The following POLN variants were observed in gnomAD, a reference collection of about 807,000 sequenced individuals.
The protein encoded by POLN is DNA polymerase nu.
A neutral mutation model predicts 113.5 loss-of-function variants in POLN; 108 were observed. That is an observed-to-expected ratio of 0.95 (90% CI 0.81 to 1.12). POLN has a LOEUF of 1.12. Among genes scored for constraint, POLN ranks in the 50% most tolerant of loss-of-function variants. POLN has a pLI of 0.00. For synonymous variants in POLN, 386 were observed against 391.5 expected (o/e 0.99, Z 0.17); for missense variants, 1,097 against 1,077.1 (o/e 1.02, Z -0.26).
intron 7 of POLN, among the ~76,000 whole-genome samples, chr4:2,189,834 T>C (rs961789526): frequency 2.0e-5 from 3 of 151,148 alleles, no homozygotes; most frequent in East Asian, 3.9e-4. Context: ...ATCAAGACCA[T>C]CCTGGCCAAC....
intron 2 of POLN, among the ~76,000 whole-genome samples, chr4:2,233,131 A>G (rs541685923): frequency 4.4e-4 from 67 of 152,330 alleles, no homozygotes; most frequent in Middle Eastern, 3.4e-3. Context: ...CTTAAAATAC[A>G]TACTTTTGAA....
At chr4:2,208,766 G>C (rs576669877) in intron 4 of POLN, among the ~76,000 whole-genome samples, 27 of 152,268 alleles carry the variant, frequency 1.8e-4, no homozygotes, top group South Asian at 1.7e-3. Flanking sequence ...GAGGTGGGTG[G>C]ATCACTTGAG....
chr4:2,230,224 G>C (rs1313756266), intron 2 of POLN: 3 of 152,360 alleles, frequency 2.0e-5, no homozygotes, highest in Non-Finnish European at 4.4e-5. Flanking sequence ...GAACCTGGGA[G>C]GCGGAGGTTG....
chr4:2,100,808 G>A (rs1335973137), intron 19 of POLN, among the ~76,000 whole-genome samples: 2 of 152,200 alleles, frequency 1.3e-5, no homozygotes, highest in African/African-American at 4.8e-5. Flanking sequence ...ACATGATTTG[G>A]CATTTTAAAT....
At chr4:2,238,595 C>A in intron 2 of POLN, 1 of 1,507,540 alleles carries the variant, frequency 6.6e-7, no homozygotes, top group South Asian at 1.3e-5. Flanking sequence ...AACAATGAAG[C>A]ATACGTACCT....
intron 16 of POLN, chr4:2,140,125 C>T (rs1355835977): frequency 1.3e-5 from 2 of 152,172 alleles, no homozygotes; most frequent in African/African-American, 2.4e-5. Flanking sequence ...GTCGCCCAGA[C>T]TACAGTGCAG....
At chr4:2,237,839 T>C (rs1250297650) in intron 2 of POLN, among the ~76,000 whole-genome samples, 1 of 152,204 alleles carries the variant, frequency 6.6e-6, no homozygotes, top group Non-Finnish European at 1.5e-5. Flanking sequence ...ATAGTTATTT[T>C]ATCAAGTTGT....
Position 2,072,264 on chromosome 4 carries a change from T to C in POLN, c.2553A>G (p.Ser851=). The change falls in exon 26 of 26, where the codon TCA becomes TCG. Residue 851 remains serine (S), a synonymous_variant. Coordinates refer to ENST00000511885, the MANE Select transcript of POLN (RefSeq NM_181808.4). Reference sequence around the variant, plus strand: ...CCTGCAGTGGCACCAGGTGTCCCCATGAGCGGCCGGCACTCAGGCTCACCT... The same window carrying C: ...CCTGCAGTGGCACCAGGTGTCCCCACGAGCGGCCGGCACTCAGGCTCACCT... ...PLKVSLSAGR[S]WGHLVPLQEA... The C allele has an allele frequency of 6.3e-7, 1 of 1,593,756 alleles. No individual in the cohort carries two copies. Among genetic ancestry groups the C allele is most frequent in the Admixed American group, 1.8e-5 (1 of 55,738 alleles).
intron 20 of POLN, among the ~76,000 whole-genome samples, chr4:2,091,581 T>A (rs1730663518): frequency 6.6e-6 from 1 of 152,178 alleles, no homozygotes; most frequent in African/African-American, 2.4e-5. Flanking sequence ...GCTGGACTGC[T>A]CCTTCTTTTC....
chr4:2,197,115 G>C (rs1241496359), intron 6 of POLN, among the ~76,000 whole-genome samples: 1 of 152,240 alleles, frequency 6.6e-6, no homozygotes, highest in Non-Finnish European at 1.5e-5. Flanking sequence ...AAGAAGCAGT[G>C]ATGTGGGGTT....
At chr4:2,189,537 G>C (rs28870217) in intron 7 of POLN, among the ~76,000 whole-genome samples, 36,749 of 150,772 alleles carry the variant, frequency 0.24, 6,925 homozygotes, top group African/African-American at 0.51. Flanking sequence ...TACTTGGGAG[G>C]CTGAGGCAGG....
chr4:2,137,058 C>A (rs1170279453), intron 16 of POLN, among the ~76,000 whole-genome samples: 1 of 152,244 alleles, frequency 6.6e-6, no homozygotes, highest in Non-Finnish European at 1.5e-5. Flanking sequence ...CGGGGCAGGG[C>A]CCACGGCGTT....
At chr4:2,187,778 CAGA>C (rs1733315929) in intron 7 of POLN, among the ~76,000 whole-genome samples, 1 of 152,064 alleles carries the variant, frequency 6.6e-6, no homozygotes, top group Non-Finnish European at 1.5e-5. Flanking sequence ...GGTTTCTCAA[CAGA>C]AGGAGGGAGT....
intron 13 of POLN, among the ~76,000 whole-genome samples, chr4:2,161,120 G>A (rs1347625306): frequency 1.3e-5 from 2 of 152,216 alleles, no homozygotes; most frequent in Non-Finnish European, 2.9e-5. Flanking sequence ...ACTCCTCACA[G>A]CCCTCCCTCG....
chr4:2,241,100 G>C (rs1166561282), intron 2 of POLN: 1 of 595,200 alleles, frequency 1.7e-6, no homozygotes, highest in African/African-American at 1.9e-5. Flanking sequence ...CCTCCTAGGG[G>C]GGAAGAAAAC....
chr4:2,205,239 A>C (rs1733814800), intron 5 of POLN, among the ~76,000 whole-genome samples: 1 of 152,256 alleles, frequency 6.6e-6, no homozygotes, highest in South Asian at 2.1e-4. Flanking sequence ...AATTCAGCCA[A>C]GTTTCTGGAT....
chr4:2,081,514 G>A, intron 22 of POLN, 119 bp downstream of exon 22: 3 of 943,342 alleles, frequency 3.2e-6, no homozygotes, highest in Admixed American at 2.1e-5. Flanking sequence ...CTCCTGCAAG[G>A]AGGTTTGTGA....
intron 19 of POLN, among the ~76,000 whole-genome samples, chr4:2,124,275 G>A (rs2108721318): frequency 6.6e-6 from 1 of 152,194 alleles, no homozygotes; most frequent in East Asian, 1.9e-4. Flanking sequence ...AGTCGTGATT[G>A]TAACTTTATT....
chr4:2,146,649 G>C (rs1376480148), intron 16 of POLN, among the ~76,000 whole-genome samples: 1 of 152,190 alleles, frequency 6.6e-6, no homozygotes, highest in Admixed American at 6.5e-5. Flanking sequence ...GGGGCAGGCA[G>C]ATAGGGGCAG....
Sources: allele counts gnomAD v4.1 joint callset (sites outside exome capture counted in the v4.1 genomes callset), GRCh38; gene constraint gnomAD v4.1.1; transcripts MANE v1.5; gene names NCBI Gene and HGNC (gene_info 2026-07-23, HGNC 2026-07-21).